NIBAN1: variants seen among roughly 807,000 people sequenced by gnomAD.
NIBAN1 encodes niban apoptosis regulator 1.
In NIBAN1, 81 loss-of-function variants were observed where a neutral mutation model predicts 75.1. The observed-to-expected ratio is 1.08, with a 90% CI of 0.90 to 1.30. The LOEUF is 1.30. NIBAN1 is among the 50% of genes most tolerant of loss of function. The pLI is 0.00. For missense variants in NIBAN1, 1,133 were observed against 1,128.1 expected, an observed-to-expected ratio of 1.00 and a Z score of -0.06; for synonymous variants, 436 against 424.8, an observed-to-expected ratio of 1.03 and a Z score of -0.32.
intron 10 of NIBAN1, 125 bp downstream of exon 10, chr1:184,807,949 C>T: frequency 9.1e-7 from 1 of 1,094,198 alleles, no homozygotes; most frequent in South Asian, 1.3e-5. Flanking sequence ...CCTCCCGCAA[C>T]ATGATGGCTA....
chr1:184,972,778 A>G (rs1454630887), intron 1 of NIBAN1, among the ~76,000 whole-genome samples: 2 of 152,260 alleles, frequency 1.3e-5, no homozygotes, highest in African/African-American at 2.4e-5. Flanking sequence ...TCTGAGTACA[A>G]TGTTTGCATC....
At chr1:184,934,076 T>C (rs1324851396) in intron 1 of NIBAN1, among the ~76,000 whole-genome samples, 1 of 152,136 alleles carries the variant, frequency 6.6e-6, no homozygotes, top group African/African-American at 2.4e-5. Context: ...TCAACCTAGG[T>C]GCCCATCAAC....
rs1422121398 is a variant in NIBAN1, at chr1:184,800,141, T to C, written c.1555-1951A>G. On this transcript the variant is annotated intron_variant, in intron 12 of 13. Transcript: ENST00000367511. ...TGATGGTGAGCATTTTTTCATGTGT[T>C]TTTTGGCTGCATAAATGTCTTCTTT... is the stretch of plus-strand genomic sequence containing the variant. 2.0e-5 allele frequency among the ~76,000 whole-genome samples: 3 copies of C among 150,786 alleles called. No homozygotes were observed. The East Asian group carries it at 5.9e-4, about 30-fold the overall frequency.
chr1:184,949,985 T>C (rs907862473), intron 1 of NIBAN1, among the ~76,000 whole-genome samples: 6 of 152,126 alleles, frequency 3.9e-5, no homozygotes, highest in Non-Finnish European at 8.8e-5. Context: ...ATTGAATGGA[T>C]GCCAAGAATG....
At chr1:184,821,389 A>G (rs1358694636) in intron 8 of NIBAN1, 1 of 152,164 alleles carries the variant, frequency 6.6e-6, no homozygotes, top group East Asian at 1.9e-4. Context: ...CCTAGTTAAA[A>G]TGTGTTTCTG....
chr1:184,913,302 C>T (rs1571568986), intron 1 of NIBAN1, among the ~76,000 whole-genome samples: 1 of 152,100 alleles, frequency 6.6e-6, no homozygotes, highest in East Asian at 1.9e-4. Context: ...ACCGTTTGCA[C>T]TGCCACCATT....
At chr1:184,839,521 A>T (rs1396467651) in intron 5 of NIBAN1, among the ~76,000 whole-genome samples, 29 of 150,944 alleles carry the variant, frequency 1.9e-4, no homozygotes. Flanking sequence ...TTTTATTCAG[A>T]TTTCACCAGT....
At chr1:184,924,689 A>G (rs1657640740) in intron 1 of NIBAN1, among the ~76,000 whole-genome samples, 1 of 152,116 alleles carries the variant, frequency 6.6e-6, no homozygotes, top group South Asian at 2.1e-4. Flanking sequence ...CTATATATTT[A>G]TTACAGCTTT....
chr1:184,907,890 A>G (rs182134636), intron 1 of NIBAN1, among the ~76,000 whole-genome samples: 1 of 152,314 alleles, frequency 6.6e-6, no homozygotes, highest in Admixed American at 6.5e-5. Context: ...ACCTTGAGTT[A>G]AAAATAAGAG....
chr1:184,827,944 G>A (rs534965201), intron 6 of NIBAN1, among the ~76,000 whole-genome samples: 1 of 151,182 alleles, frequency 6.6e-6, no homozygotes, highest in East Asian at 1.9e-4. Flanking sequence ...TAAAAATGCG[G>A]GTAGTTTTGT....
intron 13 of NIBAN1, among the ~76,000 whole-genome samples, chr1:184,796,492 C>A (rs77072777): frequency 0.031 from 4,660 of 152,278 alleles, 190 homozygotes; most frequent in African/African-American, 0.097. Context: ...TCCTCTAGGG[C>A]AGGGCCAGGC....
intron 1 of NIBAN1, among the ~76,000 whole-genome samples, chr1:184,965,255 C>T (rs234096): frequency 0.21 from 32,363 of 151,218 alleles, 3,962 homozygotes; most frequent in East Asian, 0.36. Flanking sequence ...GCCGAGATCG[C>T]GCCACTGCAC....
chr1:184,900,016 A>G (rs1446006428), intron 1 of NIBAN1, among the ~76,000 whole-genome samples: 2 of 151,794 alleles, frequency 1.3e-5, no homozygotes, highest in Non-Finnish European at 2.9e-5. Context: ...GGGTTTCTCC[A>G]TGTTGGTCAG....
At chr1:184,912,877 C>T (rs1233298809) in intron 1 of NIBAN1, among the ~76,000 whole-genome samples, 1 of 152,126 alleles carries the variant, frequency 6.6e-6, no homozygotes, top group Non-Finnish European at 1.5e-5. Context: ...CAGCCAGCCC[C>T]ACATGAATGT....
rs749735536 is a variant in NIBAN1, at chr1:184,795,778, G to C, written c.1986C>G (p.Asp662Glu). 1.9e-6 allele frequency: 3 copies of C among 1,611,538 alleles called. No individual in the cohort carries two copies. Among genetic ancestry groups the C allele is most frequent in the East Asian group, 2.2e-5 (1 of 44,840 alleles). Residue 662 changes from aspartate (D) to glutamate (E), a missense_variant, in exon 14 of 14, where the codon GAC (aspartate) becomes GAG (glutamate). By Grantham distance (45) the Asp-to-Glu change is conservative. Coordinates refer to ENST00000367511, the MANE Select transcript of NIBAN1 (RefSeq NM_052966.4). Reference protein sequence around the residue: ...TEQVIISRVDDPVVNPVATED... With the variant: ...TEQVIISRVDEPVVNPVATED... The stretch of plus-strand genomic sequence containing the variant: ...CTGTTGCCACAGGATTCACCACGGG[G>C]TCATCCACTCTTGAAATAATCACCT...
intron 5 of NIBAN1, among the ~76,000 whole-genome samples, chr1:184,880,754 G>C (rs1030343818): frequency 2.0e-5 from 3 of 152,156 alleles, no homozygotes; most frequent in African/African-American, 7.2e-5. Context: ...AACTACAATC[G>C]TATTTTGCAA....
chr1:184,964,552 T>G (rs1255161179), intron 1 of NIBAN1, among the ~76,000 whole-genome samples: 1 of 152,172 alleles, frequency 6.6e-6, no homozygotes, highest in Non-Finnish European at 1.5e-5. Flanking sequence ...CTTGATTGCT[T>G]CTTCTGTGAA....
At chr1:184,947,030 G>A (rs993512961) in intron 1 of NIBAN1, among the ~76,000 whole-genome samples, 3 of 151,270 alleles carry the variant, frequency 2.0e-5, no homozygotes, top group African/African-American at 4.9e-5. Flanking sequence ...CCAAGACCGC[G>A]CCATTGCACT....
At chr1:184,942,597 G>A (rs1658118764) in intron 1 of NIBAN1, among the ~76,000 whole-genome samples, 1 of 151,792 alleles carries the variant, frequency 6.6e-6, no homozygotes, top group Non-Finnish European at 1.5e-5. Context: ...GGGAGGCTGA[G>A]GCAGGAGAAT....
Sources: gnomAD v4.1 joint callset for allele counts (sites outside exome capture counted in the v4.1 genomes callset) on GRCh38, gnomAD v4.1.1 for gene constraint, MANE v1.5 for transcripts, NCBI Gene and HGNC (gene_info 2026-07-23, HGNC 2026-07-21) for gene names.